Variants in KCNQ3 observed in about 807,000 individuals in gnomAD.
The protein encoded by KCNQ3 is potassium voltage-gated channel subfamily KQT member 3.
A neutral mutation model predicts 92.5 loss-of-function variants in KCNQ3; 30 were observed. The observed-to-expected ratio is 0.32, with a 90% CI of 0.24 to 0.44. The LOEUF is 0.44. KCNQ3 is among the 20% of genes least tolerant of loss of function. The pLI, the probability that KCNQ3 is intolerant of heterozygous loss-of-function variation, is 1.00. For synonymous variants in KCNQ3, 450 were observed against 468.8 expected (o/e 0.96, Z 0.52); for missense variants, 913 against 1,140.3 (o/e 0.80, Z 2.87).
intron 1 of KCNQ3, among the ~76,000 whole-genome samples, chr8:132,273,365 G>C (rs1015278127): frequency 6.6e-6 from 1 of 152,194 alleles, no homozygotes; most frequent in Non-Finnish European, 1.5e-5. Context: ...GCTGTACCTT[G>C]GCCCCTTTTA....
At chr8:132,361,362 A>G (rs1320315386) in intron 1 of KCNQ3, among the ~76,000 whole-genome samples, 3 of 152,188 alleles carry the variant, frequency 2.0e-5, no homozygotes, top group African/African-American at 7.2e-5. Context: ...AAATGGCCAT[A>G]CCTGGTAGCT....
At chr8:132,217,260 T>C (rs1438459249) in intron 1 of KCNQ3, among the ~76,000 whole-genome samples, 1 of 152,172 alleles carries the variant, frequency 6.6e-6, no homozygotes, top group African/African-American at 2.4e-5. Context: ...TCCAGACAGA[T>C]GGCAAAGGAA....
intron 1 of KCNQ3, among the ~76,000 whole-genome samples, chr8:132,279,246 C>G (rs1054202600): frequency 7.2e-5 from 11 of 152,168 alleles, no homozygotes; most frequent in Non-Finnish European, 1.6e-4. Context: ...TAGATCCTAA[C>G]CGCCAGTGAT....
At chr8:132,408,743 T>G (rs1398098624) in intron 1 of KCNQ3, among the ~76,000 whole-genome samples, 2 of 152,208 alleles carry the variant, frequency 1.3e-5, no homozygotes, top group African/African-American at 2.4e-5. Context: ...GGGAGCATGT[T>G]GCCATGTAAC....
chr8:132,419,262 A>G (rs1221315618), intron 1 of KCNQ3, among the ~76,000 whole-genome samples: 1 of 152,126 alleles, frequency 6.6e-6, no homozygotes, highest in African/African-American at 2.4e-5. Flanking sequence ...TCATCCTCTC[A>G]ATTTTCAGCT....
intron 1 of KCNQ3, among the ~76,000 whole-genome samples, chr8:132,236,383 G>T (rs369322933): frequency 6.6e-6 from 1 of 152,126 alleles, no homozygotes; most frequent in African/African-American, 2.4e-5. Context: ...TTTGAAGCTC[G>T]CAGGGATTCA....
chr8:132,150,287 G>A (rs1243290423), intron 9 of KCNQ3, among the ~76,000 whole-genome samples: 1 of 152,182 alleles, frequency 6.6e-6, no homozygotes, highest in Non-Finnish European at 1.5e-5. Flanking sequence ...GGCGTGGCCT[G>A]TAACCTCGTG....
At chr8:132,333,860 A>G (rs929041391) in intron 1 of KCNQ3, among the ~76,000 whole-genome samples, 1 of 151,872 alleles carries the variant, frequency 6.6e-6, no homozygotes, top group Admixed American at 6.6e-5. Context: ...CAGGCTTTGG[A>G]ACAGCTGGGA....
At chr8:132,380,931 G>GAAAAAAAAAAAAAAAAAAAA (rs553931640) in intron 1 of KCNQ3, among the ~76,000 whole-genome samples, 1 of 87,468 alleles carries the variant, frequency 1.1e-5, no homozygotes, top group Admixed American at 1.2e-4. Flanking sequence ...AATGAAAGCA[G>GAAAAAAAAAAAAAAAAAAAA]AAAAAAAAAA....
At chr8:132,197,468 T>C (rs531937323) in intron 1 of KCNQ3, among the ~76,000 whole-genome samples, 1 of 152,332 alleles carries the variant, frequency 6.6e-6, no homozygotes, top group Admixed American at 6.5e-5. Flanking sequence ...GCAAGTCACA[T>C]TCCTTTCTCC....
In KCNQ3 at chr8:132,376,062, T is replaced by C. The variant is rs143350436; in HGVS notation, c.386+104085A>G. 7.4e-4 allele frequency among the ~76,000 whole-genome samples: 113 copies of C among 152,252 alleles called. No individual in the cohort carries two copies. In the East Asian group the frequency reaches 0.018, roughly 24 times the overall value. Reference sequence around the variant, plus strand: ...TTGTCAGGCCCTCATGGAACATGCATGTGGATGTTTTTCTCTAATTGAACT... The same window carrying C: ...TTGTCAGGCCCTCATGGAACATGCACGTGGATGTTTTTCTCTAATTGAACT... On this transcript the variant is annotated intron_variant, in intron 1 of 14. Transcript: ENST00000388996.
chr8:132,325,309 G>T (rs897049374), intron 1 of KCNQ3, among the ~76,000 whole-genome samples: 8 of 152,156 alleles, frequency 5.3e-5, no homozygotes, highest in African/African-American at 1.9e-4. Flanking sequence ...GCTGGGTTCC[G>T]TCCAGGGTCT....
chr8:132,380,512 C>T (rs1169589037), intron 1 of KCNQ3, among the ~76,000 whole-genome samples: 1 of 152,126 alleles, frequency 6.6e-6, no homozygotes, highest in African/African-American at 2.4e-5. Flanking sequence ...TTGCCTGCTT[C>T]CCAAGCTGCC....
At chr8:132,430,722 T>C (rs79560387) in intron 1 of KCNQ3, among the ~76,000 whole-genome samples, 2,701 of 152,322 alleles carry the variant, frequency 0.018, 80 homozygotes, top group African/African-American at 0.061. Context: ...AGAAAGTGTT[T>C]GCTCAGCGCA....
intron 1 of KCNQ3, among the ~76,000 whole-genome samples, chr8:132,245,258 T>C (rs961693383): frequency 1.3e-5 from 2 of 152,166 alleles, no homozygotes; most frequent in African/African-American, 2.4e-5. Flanking sequence ...TGTGAAATAC[T>C]TGGAAGGATC....
chr8:132,403,814 TGTCAC>T (rs1448429221), intron 1 of KCNQ3, among the ~76,000 whole-genome samples: 1 of 152,196 alleles, frequency 6.6e-6, no homozygotes, highest in African/African-American at 2.4e-5. Context: ...CATCTGTCTT[TGTCAC>T]TAGTCTGGTG....
intron 1 of KCNQ3, among the ~76,000 whole-genome samples, chr8:132,234,656 C>T (rs1484727426): frequency 6.6e-6 from 1 of 152,172 alleles, no homozygotes; most frequent in Admixed American, 6.5e-5. Context: ...GGTAAGTATT[C>T]GCAGTCCCAT....
chr8:132,337,075 T>C (rs776185715), intron 1 of KCNQ3, among the ~76,000 whole-genome samples: 5 of 152,210 alleles, frequency 3.3e-5, no homozygotes, highest in Non-Finnish European at 5.9e-5. Flanking sequence ...GTCTAATTTG[T>C]ATAAAGGTCC....
At chr8:132,154,078 A>G (rs1586777857) in intron 9 of KCNQ3, among the ~76,000 whole-genome samples, 1 of 151,908 alleles carries the variant, frequency 6.6e-6, no homozygotes, top group South Asian at 2.1e-4. Flanking sequence ...CACTCCCTTC[A>G]GATGGATCCT....
Sources: gnomAD v4.1 joint callset for allele counts (sites outside exome capture counted in the v4.1 genomes callset) on GRCh38, gnomAD v4.1.1 for gene constraint, MANE v1.5 for transcripts, NCBI Gene and HGNC (gene_info 2026-07-23, HGNC 2026-07-21) for gene names.